The following SELENOH variants were observed in gnomAD, a reference collection of about 807,000 sequenced individuals.
The protein encoded by SELENOH is chromosome 11 open reading frame 31.
SELENOH carries 13 observed loss-of-function variants against 11.9 expected under a neutral mutation model. The ratio of observed to expected loss-of-function variants is 1.09; its 90% confidence interval spans 0.71 to 1.74. The LOEUF (loss-of-function observed/expected upper bound fraction) is 1.74. SELENOH is among the 40% of genes most tolerant of loss of function. SELENOH has a pLI of 0.00. For missense variants in SELENOH, 223 were observed against 170.3 expected, an observed-to-expected ratio of 1.31 and a Z score of -1.72; for synonymous variants, 96 against 73.5, an observed-to-expected ratio of 1.31 and a Z score of -1.56.
rs778097988 is a variant in SELENOH, at chr11:57,742,154, A to C, written c.306A>C (p.Pro102=). The C allele has an allele frequency of 2.5e-6, 4 of 1,612,260 alleles. No individual in the cohort carries two copies. The highest frequency in any genetic ancestry group is 3.4e-6 in the Non-Finnish European group (4 of 1,179,252). Residue 102 remains proline (P), a synonymous_variant, in exon 3 of 4, where the codon CCA becomes CCC. Coordinates refer to ENST00000534355, the MANE Select transcript of SELENOH (RefSeq NM_170746.4). ...GGACTGGGATTAAGAAGGGGCCCCC[A>C]CGCAAACTCAAATTCCCTGAGCCTC... ...ELWTGIKKGP[P]RKLKFPEPQE...
intron 1 of SELENOH, 46 bp downstream of exon 1, chr11:57,741,763 G>GC: frequency 1.3e-6 from 2 of 1,599,978 alleles, no homozygotes; most frequent in South Asian, 1.1e-5. Context: ...AGTGGCGCCG[G>GC]GGGGGGCCAG....
chr11:57,741,771 C>G, intron 1 of SELENOH, 38 bp from the exon 2 acceptor site: 1 of 1,601,480 alleles, frequency 6.2e-7, no homozygotes, highest in African/African-American at 1.3e-5. Context: ...CGGGGGGGGC[C>G]AGGGGCCCCG....
chr11:57,741,698 A>G lies in SELENOH; in HGVS notation c.103A>G (p.Thr35Ala). 1 of 1,536,894 alleles carries G rather than the reference A, an allele frequency of 6.5e-7. No individual in the cohort carries two copies. Among genetic ancestry groups the G allele is most frequent in the Non-Finnish European group, 8.7e-7 (1 of 1,145,950 alleles). ...ANGGEGMEEA[T>A]VVIEHCTSUR... ...CGGCGGGGAGGGAATGGAGGAGGCG[A>G]CCGTTGTTATCGAGCATTGGTGAGG... Residue 35 changes from threonine to alanine, a missense_variant, in exon 1 of 4, where the codon ACC becomes GCC. Transcript: ENST00000534355.
In SELENOH at chr11:57,741,795, C is replaced by T. The variant is rs758146744; in HGVS notation, c.123-14C>T. On this transcript the variant is annotated splice_polypyrimidine_tract_variant and intron_variant, in intron 1 of 3. Coordinates refer to ENST00000534355, the MANE Select transcript of SELENOH (RefSeq NM_170746.4). ...CCAGGGGCCCCGGTTTCTAACCTCT[C>T]CGTCTCTCCCTAGCACTAGCTGACG... 1 of 1,604,162 alleles carries T rather than the reference C, an allele frequency of 6.2e-7. No individual in the cohort carries two copies. Among genetic ancestry groups the T allele is most frequent in the South Asian group, 1.1e-5 (1 of 89,468 alleles).
rs1949126538 is a variant in SELENOH, at chr11:57,743,043, A to C, written c.*211A>C. On this transcript the variant is annotated 3_prime_UTR_variant, in exon 4 of 4. Coordinates refer to ENST00000534355, the MANE Select transcript of SELENOH (RefSeq NM_170746.4). ...AATAAAAGTTGAAATAAAGTATTTG[A>C]GTAATAGAGTAAAACTTAATCTTAA... The C allele has an allele frequency of 6.6e-6, 1 of 152,656 alleles. No individual in the cohort carries two copies. Among genetic ancestry groups the C allele is most frequent in the African/African-American group, 2.4e-5 (1 of 41,450 alleles). The allele number at this position is 152,656 out of a possible 1,614,324, so 9.5% of individuals were successfully genotyped here. A position where few individuals can be genotyped will look rare whatever the true frequency, so the allele number is the denominator to read the frequency against.
chr11:57,742,706 T>C (rs573320743), intron 3 of SELENOH, 157 bp from the exon 4 acceptor site: 1 of 163,324 alleles, frequency 6.1e-6, no homozygotes, highest in Non-Finnish European at 1.4e-5. Flanking sequence ...CTTTGGCATG[T>C]TGTTCTGCAC....
rs1565241389 is a variant in SELENOH, at chr11:57,743,316, C to CT, written c.*485dup. ...CACAGGTGCACACCACCACGCCTGG[C>CT]TAATTTTTTTATTTTTATTTTTAGT... On this transcript the variant is annotated 3_prime_UTR_variant, in exon 4 of 4. Coordinates refer to ENST00000534355, the MANE Select transcript of SELENOH (RefSeq NM_170746.4). The CT allele has an allele frequency of 6.6e-6, 1 of 152,044 alleles. No individual in the cohort carries two copies. The highest frequency in any genetic ancestry group is 2.4e-5 in the African/African-American group (1 of 41,390). The allele number at this position is 152,044 out of a possible 1,614,324, so 9.4% of individuals were successfully genotyped here.
rs1949076876 is a variant in SELENOH, at chr11:57,741,713, C to G, written c.118C>G (p.His40Asp). The G allele has an allele frequency of 1.3e-6, 2 of 1,568,574 alleles. No individual in the cohort carries two copies. Among genetic ancestry groups the G allele is most frequent in the African/African-American group, 2.8e-5 (2 of 72,368 alleles). Residue 40 changes from histidine (H) to aspartate (D), a missense_variant, in exon 1 of 4, where the codon CAT becomes GAT. Transcript: ENST00000534355. ...GGAGGAGGCGACCGTTGTTATCGAG[C>G]ATTGGTGAGGGGCCTGGAGAGTAAC... ...GMEEATVVIEHCTSURVYGRN... is the reference protein window; with the variant it reads ...GMEEATVVIEDCTSURVYGRN...
In SELENOH at chr11:57,741,795, C is replaced by A. The variant is rs758146744; in HGVS notation, c.123-14C>A. ...CCAGGGGCCCCGGTTTCTAACCTCT[C>A]CGTCTCTCCCTAGCACTAGCTGACG... is the stretch of plus-strand genomic sequence containing the variant. On this transcript the variant is annotated splice_polypyrimidine_tract_variant and intron_variant, in intron 1 of 3. Coordinates refer to ENST00000534355, the MANE Select transcript of SELENOH (RefSeq NM_170746.4). 8 of 1,604,162 alleles carry A rather than the reference C, an allele frequency of 5.0e-6. No individual in the cohort carries two copies. The highest frequency in any genetic ancestry group is 6.8e-6 in the Non-Finnish European group (8 of 1,175,618).
rs776421824 is a variant in SELENOH, at chr11:57,741,832, G to A, written c.146G>A (p.Arg49His). The A allele has an allele frequency of 2.5e-6, 4 of 1,605,698 alleles. No individual in the cohort carries two copies. The highest frequency in any genetic ancestry group is 2.2e-5 in the East Asian group (1 of 44,546). ...AGCACTAGCTGACGCGTCTATGGGC[G>A]CAACGCCGCGGCCCTGAGCCAGGCG... ...EHCTSURVYGRNAAALSQALR... is the reference protein window; with the variant it reads ...EHCTSURVYGHNAAALSQALR... The change falls in exon 2 of 4, where the codon CGC (arginine) becomes CAC (histidine). Residue 49 changes from arginine to histidine, a missense_variant. Transcript: ENST00000534355.
At position 57,741,581 on chromosome 11, in the gene SELENOH, C is replaced by T. The variant is rs1473801863; in HGVS notation, c.-15C>T. The T allele has an allele frequency of 3.2e-6, 4 of 1,259,708 alleles. No homozygotes were observed. Among genetic ancestry groups the T allele is most frequent in the East Asian group, 3.1e-5 (1 of 32,544 alleles). The allele number at this position is 1,259,708 out of a possible 1,614,324, so 78.0% of individuals were successfully genotyped here. A position where few individuals can be genotyped will look rare whatever the true frequency, so the allele number is the denominator to read the frequency against. ...CCACCAGTCCCGCTGCATTCTCGGC[C>T]GGGCTCTAGGCGCCATGGCTCCCCG... is the stretch of plus-strand genomic sequence containing the variant. On this transcript the variant is annotated 5_prime_UTR_variant, in exon 1 of 4. Coordinates refer to ENST00000534355, the MANE Select transcript of SELENOH (RefSeq NM_170746.4).
At position 57,742,102 on chromosome 11, in the gene SELENOH, A is replaced by T; in HGVS notation, c.269-15A>T. ...TTCCGAAGTATTGTAACTTCGCTTC[A>T]TTCTGGCCTTTCAGGTGCGGAGCTC... On this transcript the variant is annotated splice_polypyrimidine_tract_variant and intron_variant, in intron 2 of 3. Coordinates refer to ENST00000534355, the MANE Select transcript of SELENOH (RefSeq NM_170746.4). 6.2e-7 allele frequency: 1 copy of T among 1,606,912 alleles called. No individual in the cohort carries two copies. Among genetic ancestry groups the T allele is most frequent in the South Asian group, 1.1e-5 (1 of 89,680 alleles).
intron 2 of SELENOH, 21 bp from the exon 3 acceptor site, chr11:57,742,096 C>G: frequency 1.2e-6 from 2 of 1,603,556 alleles, no homozygotes; most frequent in Non-Finnish European, 1.7e-6. Context: ...ATTGTAACTT[C>G]GCTTCATTCT....
rs1228445394 is a variant in SELENOH, at chr11:57,741,552, C to A, written c.-44C>A. 7 of 1,244,112 alleles carry A rather than the reference C, an allele frequency of 5.6e-6. No individual in the cohort carries two copies. The highest frequency in any genetic ancestry group is 7.1e-6 in the Non-Finnish European group (7 of 987,648). 77.1% of individuals were successfully genotyped at this position (1,244,112 alleles called of 1,614,324 possible). A position where few individuals can be genotyped will look rare whatever the true frequency, so the allele number is the denominator to read the frequency against. ...CGCTCAGTGGTCGCGTCTCCGCCCCCCACCCACCAGTCCCGCTGCATTCTC... is the reference window on the plus strand; with the variant it reads ...CGCTCAGTGGTCGCGTCTCCGCCCCACACCCACCAGTCCCGCTGCATTCTC... On this transcript the variant is annotated 5_prime_UTR_variant, in exon 1 of 4. Transcript: ENST00000534355.
rs1949070304 is a variant in SELENOH at position 57,741,551 on chromosome 11, C to G, written c.-45C>G. 2 of 1,243,604 alleles carry G rather than the reference C, an allele frequency of 1.6e-6. No individual in the cohort carries two copies. 77.0% of individuals were successfully genotyped at this position (1,243,604 alleles called of 1,614,324 possible). A position where few individuals can be genotyped will look rare whatever the true frequency, so the allele number is the denominator to read the frequency against. The stretch of plus-strand genomic sequence containing the variant: ...CCGCTCAGTGGTCGCGTCTCCGCCC[C>G]CCACCCACCAGTCCCGCTGCATTCT... On this transcript the variant is annotated 5_prime_UTR_variant, in exon 1 of 4. Transcript: ENST00000534355.
chr11:57,741,636 TG>T lies in SELENOH; in HGVS notation c.43del (p.Val15SerfsTer3). On this transcript the variant is annotated frameshift_variant, in exon 1 of 4. Transcript: ENST00000534355. LOFTEE classifies it high-confidence loss of function. ...RGRKRKAEAA[V>X]VAVAEKREKL... is the part of the protein sequence containing the mutation. ...AGGAAGCGTAAGGCTGAGGCCGCGG[TG>T]GTCGCCGTAGCCGAGAAGCGAGAGA... 2 of 1,296,620 alleles carry T rather than the reference TG, an allele frequency of 1.5e-6. No homozygotes were observed. The highest frequency in any genetic ancestry group is 1.0e-6 in the Non-Finnish European group (1 of 1,003,852). The allele number at this position is 1,296,620 out of a possible 1,614,324, so 80.3% of individuals were successfully genotyped here. A position where few individuals can be genotyped will look rare whatever the true frequency, so the allele number is the denominator to read the frequency against.
Position 57,741,832 on chromosome 11 carries a change from G to C in SELENOH, c.146G>C (p.Arg49Pro), listed in dbSNP as rs776421824. ...EHCTSURVYG[R>P]NAAALSQALR... ...AGCACTAGCTGACGCGTCTATGGGC[G>C]CAACGCCGCGGCCCTGAGCCAGGCG... The change falls in exon 2 of 4, where the codon CGC becomes CCC. Residue 49 changes from arginine (R) to proline (P), a missense_variant. Physicochemically the swap from Arg to Pro is moderately radical, Grantham distance 103. Coordinates refer to ENST00000534355, the MANE Select transcript of SELENOH (RefSeq NM_170746.4). 2 of 1,605,698 alleles carry C rather than the reference G, an allele frequency of 1.2e-6. No individual in the cohort carries two copies. The highest frequency in any genetic ancestry group is 1.7e-5 in the Admixed American group (1 of 58,788).
Position 57,743,414 on chromosome 11 carries a change from C to G in SELENOH, c.*582C>G, listed in dbSNP as rs565988277. The stretch of plus-strand genomic sequence containing the variant: ...CCTCAAGTGATATGCCTGCCTTGAC[C>G]TCCCAAAGTGCTGGGGTTACAGGCA... On this transcript the variant is annotated 3_prime_UTR_variant, in exon 4 of 4. Coordinates refer to ENST00000534355, the MANE Select transcript of SELENOH (RefSeq NM_170746.4). The G allele has an allele frequency of 6.6e-6, 1 of 152,240 alleles. No individual in the cohort carries two copies. The highest frequency in any genetic ancestry group is 2.1e-4 in the South Asian group (1 of 4,824). The allele number at this position is 152,240 out of a possible 1,614,324, so 9.4% of individuals were successfully genotyped here.
chr11:57,741,804 C>T lies in SELENOH; in HGVS notation c.123-5C>T, dbSNP rs1949084262. On this transcript the variant is annotated splice_region_variant and splice_polypyrimidine_tract_variant and intron_variant, in intron 1 of 3. Transcript: ENST00000534355. ...CCGGTTTCTAACCTCTCCGTCTCTC[C>T]CTAGCACTAGCTGACGCGTCTATGG... 6.2e-7 allele frequency: 1 copy of T among 1,605,302 alleles called. No homozygotes were observed. The highest frequency in any genetic ancestry group is 8.5e-7 in the Non-Finnish European group (1 of 1,176,204).
Sources: gnomAD v4.1 joint callset for allele counts on GRCh38, gnomAD v4.1.1 for gene constraint, MANE v1.5 for transcripts, NCBI Gene and HGNC (gene_info 2026-07-23, HGNC 2026-07-21) for gene names.